Variants in APBB2 observed in about 807,000 individuals in gnomAD.
The protein encoded by APBB2 is amyloid beta precursor protein binding family B member 2.
In APBB2, 38 loss-of-function variants were observed where a neutral mutation model predicts 82.5. The observed-to-expected ratio is 0.46, with a 90% confidence interval of 0.36 to 0.60. APBB2 has a LOEUF of 0.60. Among genes scored for constraint, APBB2 ranks in the 20% least tolerant of loss-of-function variants. The pLI, the probability that APBB2 is intolerant of heterozygous loss-of-function variation, is 0.00. For missense variants in APBB2, 772 were observed against 972.3 expected, an observed-to-expected ratio of 0.79 and a Z score of 2.74; for synonymous variants, 341 against 368.2, an observed-to-expected ratio of 0.93 and a Z score of 0.85.
At chr4:40,938,845 C>T (rs1468527432) in intron 7 of APBB2, among the ~76,000 whole-genome samples, 2 of 152,178 alleles carry the variant, frequency 1.3e-5, no homozygotes, top group Admixed American at 6.5e-5. Context: ...AATGTCTGTC[C>T]ACTACAAAAC....
At chr4:41,021,754 T>A (rs1015870089) in intron 5 of APBB2, among the ~76,000 whole-genome samples, 1 of 152,120 alleles carries the variant, frequency 6.6e-6, no homozygotes, top group Admixed American at 6.5e-5. Flanking sequence ...TGTGGAAGCT[T>A]TGTTCTTTCA....
In APBB2 at chr4:40,880,653, CAG is replaced by C. The variant is rs567210925; in HGVS notation, c.1529+9709_1529+9710del. 7.3e-5 allele frequency: 72 copies of C among 985,442 alleles called. 1 individual carries two copies. In the East Asian group the frequency reaches 5.2e-3, roughly 71 times the overall value. 61.0% of individuals were successfully genotyped at this position (985,442 alleles called of 1,614,324 possible). A position where few individuals can be genotyped will look rare whatever the true frequency, so the allele number is the denominator to read the frequency against. ...GATCACGGCACTTTGAGGATGGACA[CAG>C]AGAATCAAACATGATAGATCTCCCT... On this transcript the variant is annotated intron_variant, in intron 12 of 17. Coordinates refer to ENST00000508593, the MANE Select transcript of APBB2 (RefSeq NM_004307.2).
chr4:41,000,103 G>A (rs866724719), intron 6 of APBB2, among the ~76,000 whole-genome samples: 53 of 135,152 alleles, frequency 3.9e-4, no homozygotes, highest in East Asian at 6.8e-4. Context: ...GTGTGTGTGT[G>A]TGTATAAATT....
chr4:40,859,407 G>A (rs1762224703), intron 12 of APBB2, among the ~76,000 whole-genome samples: 1 of 151,612 alleles, frequency 6.6e-6, no homozygotes, highest in Non-Finnish European at 1.5e-5. Flanking sequence ...GTTTTGCCAT[G>A]TTGGCCAGGC....
chr4:40,851,394 A>G (rs1759301950), intron 12 of APBB2, among the ~76,000 whole-genome samples: 1 of 152,224 alleles, frequency 6.6e-6, no homozygotes, highest in African/African-American at 2.4e-5. Context: ...TCACTAGCAG[A>G]TGATGGCTCT....
chr4:41,001,943 C>T (rs983026072), intron 6 of APBB2, among the ~76,000 whole-genome samples: 1 of 152,044 alleles, frequency 6.6e-6, no homozygotes. Context: ...ATCAGCTCAC[C>T]TCTTAGGTAC....
intron 6 of APBB2, among the ~76,000 whole-genome samples, chr4:40,999,679 C>T (rs897646518): frequency 6.6e-6 from 1 of 152,126 alleles, no homozygotes; most frequent in Non-Finnish European, 1.5e-5. Flanking sequence ...GGTCCCAACC[C>T]AGACCTACTG....
At chr4:40,890,234 T>A in intron 12 of APBB2, 130 bp downstream of exon 12, 1 of 1,272,122 alleles carries the variant, frequency 7.9e-7, no homozygotes. Flanking sequence ...CAAGCTTTCA[T>A]TTTTCACATT....
At chr4:40,915,495 A>T (rs1321356732) in intron 10 of APBB2, among the ~76,000 whole-genome samples, 1 of 152,206 alleles carries the variant, frequency 6.6e-6, no homozygotes, top group Non-Finnish European at 1.5e-5. Flanking sequence ...TTGGCCTTAA[A>T]ACAATACCTG....
chr4:40,934,891 T>A, intron 8 of APBB2, 186 bp downstream of exon 8: 1 of 677,698 alleles, frequency 1.5e-6, no homozygotes, highest in South Asian at 1.9e-5. Context: ...ACGGGGAACC[T>A]AGGGCATTCA....
chr4:40,908,802 C>G (rs1181495402), intron 10 of APBB2, among the ~76,000 whole-genome samples: 1 of 152,228 alleles, frequency 6.6e-6, no homozygotes, highest in Admixed American at 6.5e-5. Flanking sequence ...GGGGAGCCCG[C>G]CACTGCAGGA....
In APBB2 at chr4:41,208,926, CAAGAT is replaced by C. The variant is rs1278308498; in HGVS notation, c.-417+5474_-417+5478del. Among the ~76,000 whole-genome samples the C allele has an allele frequency of 2.6e-5, 4 of 152,074 alleles. No individual in the cohort carries two copies. The East Asian group carries it at 7.7e-4, about 29-fold the overall frequency. On this transcript the variant is annotated intron_variant, in intron 1 of 17. Coordinates refer to ENST00000508593, the MANE Select transcript of APBB2 (RefSeq NM_004307.2). ...ATAAATATACGTCCATTACAGAAAACAAGATAAGATTCAAACACCATGGAAATAAA... is the reference window on the plus strand; with the variant it reads ...ATAAATATACGTCCATTACAGAAAACAAGATTCAAACACCATGGAAATAAA...
chr4:41,097,053 T>C (rs79310186), intron 3 of APBB2, among the ~76,000 whole-genome samples: 4,298 of 152,336 alleles, frequency 0.028, 212 homozygotes, highest in Admixed American at 0.12. Flanking sequence ...AAATAAATTA[T>C]ATTCCAAAAT....
intron 3 of APBB2, among the ~76,000 whole-genome samples, chr4:41,086,353 G>A (rs1022243440): frequency 5.9e-5 from 9 of 151,972 alleles, no homozygotes; most frequent in African/African-American, 2.2e-4. Flanking sequence ...AAACAATTAC[G>A]CTTTAAAAAT....
chr4:40,894,343 C>A (rs914609532), intron 10 of APBB2, among the ~76,000 whole-genome samples: 6 of 145,462 alleles, frequency 4.1e-5, no homozygotes, highest in Non-Finnish European at 7.4e-5. Context: ...CTAATGGATA[C>A]AAAAATTTCT....
chr4:41,048,526 A>G (rs1196139853), intron 4 of APBB2, among the ~76,000 whole-genome samples: 2 of 152,222 alleles, frequency 1.3e-5, no homozygotes, highest in African/African-American at 4.8e-5. Flanking sequence ...ACAGGCAGCA[A>G]GATAGTAAAT....
chr4:40,909,995 T>C (rs1328791414), intron 10 of APBB2, among the ~76,000 whole-genome samples: 1 of 152,150 alleles, frequency 6.6e-6, no homozygotes, highest in African/African-American at 2.4e-5. Context: ...ACAATGTAAA[T>C]AAACAGCAGA....
chr4:40,886,051 A>C (rs1770135947), intron 12 of APBB2, among the ~76,000 whole-genome samples: 1 of 152,096 alleles, frequency 6.6e-6, no homozygotes, highest in Admixed American at 6.5e-5. Context: ...TTCTTGTGGG[A>C]AATGGCTGAG....
intron 12 of APBB2, among the ~76,000 whole-genome samples, chr4:40,889,483 C>A (rs1026220167): frequency 6.6e-6 from 1 of 152,190 alleles, no homozygotes; most frequent in African/African-American, 2.4e-5. Context: ...TTTTTATCCT[C>A]TTTTGCAATG....
Sources: gnomAD v4.1 joint callset for allele counts (sites outside exome capture counted in the v4.1 genomes callset) on GRCh38, gnomAD v4.1.1 for gene constraint, MANE v1.5 for transcripts, NCBI Gene and HGNC (gene_info 2026-07-23, HGNC 2026-07-21) for gene names.